CACNA1C: variants seen among roughly 807,000 people sequenced by gnomAD.
CACNA1C encodes voltage-dependent L-type calcium channel subunit alpha-1C.
A neutral mutation model predicts 229.0 loss-of-function variants in CACNA1C; 30 were observed. That is an observed-to-expected ratio of 0.13 (90% CI 0.10 to 0.18). The LOEUF (loss-of-function observed/expected upper bound fraction) is 0.18, where lower values mean the gene tolerates loss of function less well. Among genes scored for constraint, CACNA1C ranks in the 10% least tolerant of loss-of-function variants. The probability of loss-of-function intolerance (pLI) is 1.00; values close to 1 mark genes in which losing one functional copy is unlikely to be tolerated. For missense variants in CACNA1C, 1,658 were observed against 2,845.0 expected (o/e 0.58, Z 9.49); for synonymous variants, 1,114 against 1,132.5 (o/e 0.98, Z 0.33).
At chr12:1,990,523 T>A (rs542849579) in intron 1 of CACNA1C, among the ~76,000 whole-genome samples, 1 of 152,262 alleles carries the variant, frequency 6.6e-6, no homozygotes, top group Non-Finnish European at 1.5e-5. Context: ...TCTACATTCA[T>A]CCAATTCAAG....
chr12:2,027,019 G>A (rs2047442318), intron 1 of CACNA1C, among the ~76,000 whole-genome samples: 1 of 152,140 alleles, frequency 6.6e-6, no homozygotes, highest in Non-Finnish European at 1.5e-5. Context: ...ATTCTTTCTT[G>A]CCATTTCCCA....
At chr12:2,396,379 G>A (rs1035540058) in intron 3 of CACNA1C, among the ~76,000 whole-genome samples, 1 of 152,120 alleles carries the variant, frequency 6.6e-6, no homozygotes, top group African/African-American at 2.4e-5. Context: ...CGAGTCAAGG[G>A]GACGAAGAGG....
chr12:2,529,326 T>C (rs561405979), intron 9 of CACNA1C, among the ~76,000 whole-genome samples: 20 of 152,326 alleles, frequency 1.3e-4, no homozygotes, highest in African/African-American at 4.6e-4. Flanking sequence ...ATAGTACTTA[T>C]TGTATGTGAT....
intron 1 of CACNA1C, among the ~76,000 whole-genome samples, chr12:1,990,153 A>G (rs2038987891): frequency 6.6e-6 from 1 of 152,206 alleles, no homozygotes; most frequent in African/African-American, 2.4e-5. Context: ...GTATCACTTA[A>G]TCCCTTTAAC....
At chr12:2,609,734 C>T (rs956039686) in intron 27 of CACNA1C, among the ~76,000 whole-genome samples, 3 of 151,922 alleles carry the variant, frequency 2.0e-5, no homozygotes, top group African/African-American at 7.3e-5. Flanking sequence ...TGGACTGGCT[C>T]TTTGCCAGAG....
intron 7 of CACNA1C, among the ~76,000 whole-genome samples, chr12:2,499,090 G>T (rs2099753161): frequency 6.6e-6 from 1 of 152,168 alleles, no homozygotes; most frequent in African/African-American, 2.4e-5. Context: ...CAGGTGCAGG[G>T]GTGGGGAGCA....
intron 3 of CACNA1C, among the ~76,000 whole-genome samples, chr12:2,304,274 G>A (rs1367249529): frequency 6.6e-6 from 1 of 152,104 alleles, no homozygotes; most frequent in African/African-American, 2.4e-5. Flanking sequence ...GAGGTGCACG[G>A]CCCCAGAAGA....
At chr12:2,579,460 GC>G (rs2059760961) in intron 13 of CACNA1C, among the ~76,000 whole-genome samples, 1 of 151,988 alleles carries the variant, frequency 6.6e-6, no homozygotes, top group South Asian at 2.1e-4. Context: ...GATTACCCCA[GC>G]CCCAGAGTCA....
chr12:2,367,866 A>G (rs925439238), intron 3 of CACNA1C, among the ~76,000 whole-genome samples: 1 of 152,154 alleles, frequency 6.6e-6, no homozygotes, highest in Non-Finnish European at 1.5e-5. Context: ...AATACAGAAG[A>G]ACATTAAAGT....
intron 1 of CACNA1C, among the ~76,000 whole-genome samples, chr12:2,042,071 T>C (rs189506207): frequency 6.6e-6 from 1 of 152,374 alleles, no homozygotes; most frequent in African/African-American, 2.4e-5. Context: ...TCTTTTAAAG[T>C]TTCCAATAAA....
In CACNA1C at chr12:2,651,672, C is replaced by T. The variant is rs1022346720; in HGVS notation, c.3978C>T (p.Thr1326=). ...AGGAAAACTCCCGCATCTCCATCACCTTCTTCCGCCTGTTCCGGGTCATGC... is the reference window on the plus strand; with the variant it reads ...AGGAAAACTCCCGCATCTCCATCACTTTCTTCCGCCTGTTCCGGGTCATGC... ...NAEENSRISI[T]FFRLFRVMRL... The change falls in exon 32 of 47, where the codon ACC becomes ACT. Residue 1326 remains threonine, a synonymous_variant. Coordinates refer to ENST00000399655, the MANE Select transcript of CACNA1C (RefSeq NM_000719.7). The surrounding 1 kb of genome is among the most constrained non-coding windows in gnomAD (Gnocchi z 5.4). 6.2e-6 allele frequency: 10 copies of T among 1,613,830 alleles called. No homozygotes were observed. The highest frequency in any genetic ancestry group is 7.6e-6 in the Non-Finnish European group (9 of 1,179,860).
At chr12:2,148,359 A>G (rs763982683) in intron 3 of CACNA1C, among the ~76,000 whole-genome samples, 1 of 151,362 alleles carries the variant, frequency 6.6e-6, no homozygotes, top group Non-Finnish European at 1.5e-5. Context: ...TCTTCCAGCC[A>G]TGGCTCAAAG....
chr12:2,113,186 G>A (rs1178001828), intron 1 of CACNA1C, among the ~76,000 whole-genome samples: 1 of 152,210 alleles, frequency 6.6e-6, no homozygotes, highest in Non-Finnish European at 1.5e-5. Context: ...TTCAGGTGTG[G>A]CTGGATGAGG....
chr12:2,018,954 A>G (rs1355202465), intron 1 of CACNA1C, among the ~76,000 whole-genome samples: 1 of 152,142 alleles, frequency 6.6e-6, no homozygotes, highest in Non-Finnish European at 1.5e-5. Flanking sequence ...AAAAACATTT[A>G]ACCCTTCCCT....
chr12:2,603,774 C>G (rs1284525095), intron 22 of CACNA1C: 2 of 152,134 alleles, frequency 1.3e-5, no homozygotes, highest in Admixed American at 1.3e-4. Flanking sequence ...GAAAAATCAA[C>G]TGACAAAAGA....
Position 2,063,753 on chromosome 12 carries a change from T to C in CACNA1C, c.49+10142T>C, listed in dbSNP as rs1009116970. Among the ~76,000 whole-genome samples, 6 of 152,386 alleles carry C rather than the reference T, an allele frequency of 3.9e-5. No homozygotes were observed. The East Asian group carries it at 1.2e-3, about 29-fold the overall frequency. On this transcript the variant is annotated intron_variant, in intron 1 of 46. Coordinates refer to ENST00000399655, the MANE Select transcript of CACNA1C (RefSeq NM_000719.7). ...CTTTTTATGGCTGAATAGTATTTCATTGAAAGCACACGCCACATTTTGCTT... is the reference window on the plus strand; with the variant it reads ...CTTTTTATGGCTGAATAGTATTTCACTGAAAGCACACGCCACATTTTGCTT...
chr12:2,526,351 G>A (rs1029601464), intron 9 of CACNA1C, among the ~76,000 whole-genome samples: 3 of 152,178 alleles, frequency 2.0e-5, no homozygotes, highest in Non-Finnish European at 4.4e-5. Flanking sequence ...ACATCACACT[G>A]GAGTGACCAC....
At chr12:2,525,226 C>T (rs537382075) in intron 9 of CACNA1C, among the ~76,000 whole-genome samples, 3 of 152,148 alleles carry the variant, frequency 2.0e-5, no homozygotes, top group South Asian at 4.2e-4. Flanking sequence ...ACTGTGCAGC[C>T]GAGTGTGGAC....
intron 3 of CACNA1C, among the ~76,000 whole-genome samples, chr12:2,386,397 A>T (rs1301829150): frequency 6.7e-6 from 1 of 150,000 alleles, no homozygotes; most frequent in Non-Finnish European, 1.5e-5. Flanking sequence ...TCTTAGAAAA[A>T]CTCTCCTCTT....
Sources: gnomAD v4.1 joint callset for allele counts (sites outside exome capture counted in the v4.1 genomes callset) on GRCh38, gnomAD v4.1.1 for gene constraint, Gnocchi (gnomAD v3.1) non-coding constraint, MANE v1.5 for transcripts, NCBI Gene and HGNC (gene_info 2026-07-23, HGNC 2026-07-21) for gene names.